UGCG: variants seen among roughly 807,000 people sequenced by gnomAD.
UGCG encodes ceramide glucosyltransferase.
Under a neutral mutation model 49.5 loss-of-function variants are expected in UGCG, and 10 were observed. That is an observed-to-expected ratio of 0.20 (90% CI 0.12 to 0.34). The LOEUF (loss-of-function observed/expected upper bound fraction) is 0.34. UGCG is among the 10% of genes least tolerant of loss of function. The pLI is 1.00. For synonymous variants in UGCG, 182 were observed against 158.2 expected (o/e 1.15, Z -1.13); for missense variants, 312 against 483.7 (o/e 0.65, Z 3.33).
At chr9:111,900,500 ATTC>A (rs1837748048) in intron 1 of UGCG, among the ~76,000 whole-genome samples, 2 of 140,858 alleles carry the variant, frequency 1.4e-5, no homozygotes, top group Admixed American at 7.0e-5. Flanking sequence ...GTGTGTGTGT[ATTC>A]TTTCTTTGAT....
Position 111,899,874 on chromosome 9 carries a change from C to T in UGCG, c.98+2561C>T, listed in dbSNP as rs1837736215. Among the ~76,000 whole-genome samples the T allele has an allele frequency of 2.6e-5, 4 of 152,248 alleles. No individual in the cohort carries two copies. In the South Asian group the frequency reaches 8.3e-4, roughly 32 times the overall value. Reference sequence around the variant, plus strand: ...ATCAGATGATTATTTGATTATTCCACTGTTTTGAAATATTTTTATTATAAA... The same window carrying T: ...ATCAGATGATTATTTGATTATTCCATTGTTTTGAAATATTTTTATTATAAA... On this transcript the variant is annotated intron_variant, in intron 1 of 8. Coordinates refer to ENST00000374279, the MANE Select transcript of UGCG (RefSeq NM_003358.3).
At position 111,934,370 on chromosome 9, in the gene UGCG, A is replaced by C. The variant is rs1159332407; in HGVS notation, c.*1373A>C. 6.6e-6 allele frequency: 1 copy of C among 151,962 alleles called. No individual in the cohort carries two copies. The highest frequency in any genetic ancestry group is 1.5e-5 in the Non-Finnish European group (1 of 67,994). 9.4% of individuals were successfully genotyped at this position (151,962 alleles called of 1,614,324 possible). A position where few individuals can be genotyped will look rare whatever the true frequency, so the allele number is the denominator to read the frequency against. ...TTGTTTTGTTTTTTTAAAAAAAAAA[A>C]ACAAAAATGTAAGGGACAGTGCATA... On this transcript the variant is annotated 3_prime_UTR_variant, in exon 9 of 9. Transcript: ENST00000374279.
chr9:111,924,450 G>A lies in UGCG; in HGVS notation c.344-327G>A, dbSNP rs183234836. Among the ~76,000 whole-genome samples the A allele has an allele frequency of 2.1e-3, 327 of 152,192 alleles. 1 individual carries two copies. The highest frequency in any genetic ancestry group is 7.3e-3 in the African/African-American group (305 of 41,528). The stretch of plus-strand genomic sequence containing the variant: ...GAAATCTACTCTTAGTCATTTTCAA[G>A]TATACCATACATTGTTGTTACCTAT... On this transcript the variant is annotated intron_variant, in intron 3 of 8. Transcript: ENST00000374279.
intron 1 of UGCG, among the ~76,000 whole-genome samples, chr9:111,907,979 C>T (rs1837919263): frequency 6.6e-6 from 1 of 151,942 alleles, no homozygotes; most frequent in Non-Finnish European, 1.5e-5. Flanking sequence ...GCTTGATGTC[C>T]AGTATCTTCA....
chr9:111,916,852 A>G (rs1387651224), intron 2 of UGCG, among the ~76,000 whole-genome samples: 1 of 151,316 alleles, frequency 6.6e-6, no homozygotes, highest in Non-Finnish European at 1.5e-5. Context: ...TTTCTTGTGA[A>G]TGAAGATTTT....
At chr9:111,911,181 G>C (rs1430082877) in intron 1 of UGCG, among the ~76,000 whole-genome samples, 1 of 152,134 alleles carries the variant, frequency 6.6e-6, no homozygotes, top group Non-Finnish European at 1.5e-5. Flanking sequence ...TCTCAGAACA[G>C]TTGTCCTGTC....
chr9:111,910,829 T>A (rs1837983666), intron 1 of UGCG, among the ~76,000 whole-genome samples: 1 of 152,174 alleles, frequency 6.6e-6, no homozygotes, highest in African/African-American at 2.4e-5. Context: ...CATTGCAGCC[T>A]CTGCCTCCCA....
At chr9:111,921,937 A>G (rs1838229980) in intron 2 of UGCG, among the ~76,000 whole-genome samples, 1 of 149,086 alleles carries the variant, frequency 6.7e-6, no homozygotes, top group Non-Finnish European at 1.5e-5. Flanking sequence ...TCAGCCTCCC[A>G]AGTAGCTGGG....
chr9:111,922,853 A>C lies in UGCG; in HGVS notation c.245A>C (p.Glu82Ala), dbSNP rs1466440142. ...CATACAATGCTTTTTGACTAGTATG[A>C]AGTGCTCCTTTGTGTACAAGATCAT... The part of the protein sequence containing the change: ...TFFELDYPKY[E>A]VLLCVQDHDD... The change falls in exon 3 of 9, where the codon GAA becomes GCA. Residue 82 changes from glutamate to alanine, a missense_variant. Around this residue, in one of 4 missense-constraint regions of UGCG, gnomAD observed 3 missense variants for 21.0 expected, o/e 0.14. Transcript: ENST00000374279. 1 of 1,608,702 alleles carries C rather than the reference A, an allele frequency of 6.2e-7. No individual in the cohort carries two copies. Among genetic ancestry groups the C allele is most frequent in the Non-Finnish European group, 8.5e-7 (1 of 1,177,316 alleles).
At chr9:111,924,272 A>G (rs1479303192) in intron 3 of UGCG, among the ~76,000 whole-genome samples, 1 of 152,228 alleles carries the variant, frequency 6.6e-6, no homozygotes, top group Non-Finnish European at 1.5e-5. Context: ...AAATATATAT[A>G]TATGTACACA....
Position 111,897,190 on chromosome 9 carries a change from G to A in UGCG, c.-26G>A. On this transcript the variant is annotated 5_prime_UTR_variant, in exon 1 of 9. Transcript: ENST00000374279. ...TTGTCCGTGTTGGCGGCCGCAGCGGGCCGGGCCGGTCCGGCGGGCCGGGGG... is the reference window on the plus strand; with the variant it reads ...TTGTCCGTGTTGGCGGCCGCAGCGGACCGGGCCGGTCCGGCGGGCCGGGGG... 5 of 1,536,756 alleles carry A rather than the reference G, an allele frequency of 3.3e-6. No individual in the cohort carries two copies. The highest frequency in any genetic ancestry group is 1.2e-5 in the South Asian group (1 of 83,652).
chr9:111,898,394 G>T (rs933871248), intron 1 of UGCG, among the ~76,000 whole-genome samples: 2 of 144,968 alleles, frequency 1.4e-5, no homozygotes, highest in East Asian at 2.0e-4. Flanking sequence ...TAGTTTTTTG[G>T]TTTTTTTTTT....
At chr9:111,922,300 A>T (rs1444619473) in intron 2 of UGCG, among the ~76,000 whole-genome samples, 1 of 152,234 alleles carries the variant, frequency 6.6e-6, no homozygotes, top group Non-Finnish European at 1.5e-5. Context: ...AAAAGTTATG[A>T]AACAAAAAAG....
At chr9:111,912,029 GATATATATATAT>G (rs60468274) in intron 1 of UGCG, among the ~76,000 whole-genome samples, 1 of 64,596 alleles carries the variant, frequency 1.5e-5, no homozygotes, top group South Asian at 5.6e-4. Flanking sequence ...TATTCAACAG[GATATATATATAT>G]ATATATATAT....
At chr9:111,923,365 T>G (rs991711335) in intron 3 of UGCG, among the ~76,000 whole-genome samples, 6 of 48,496 alleles carry the variant, frequency 1.2e-4, no homozygotes, top group African/African-American at 5.3e-4. Flanking sequence ...CCATTAGTGT[T>G]TTTTTTTTTT....
chr9:111,934,098 A>C lies in UGCG; in HGVS notation c.*1101A>C, dbSNP rs1838472821. Reference sequence around the variant, plus strand: ...ACAGGATGAGTTTACTCTTAAAATTAATCAGTATCAAACTAAGTCTACTGT... The same window carrying C: ...ACAGGATGAGTTTACTCTTAAAATTCATCAGTATCAAACTAAGTCTACTGT... On this transcript the variant is annotated 3_prime_UTR_variant, in exon 9 of 9. Coordinates refer to ENST00000374279, the MANE Select transcript of UGCG (RefSeq NM_003358.3). 1 of 151,948 alleles carries C rather than the reference A, an allele frequency of 6.6e-6. No homozygotes were observed. Among genetic ancestry groups the C allele is most frequent in the Non-Finnish European group, 1.5e-5 (1 of 67,982 alleles). 9.4% of individuals were successfully genotyped at this position (151,948 alleles called of 1,614,324 possible).
At chr9:111,926,750 C>T (rs974541838) in intron 5 of UGCG, among the ~76,000 whole-genome samples, 1 of 151,748 alleles carries the variant, frequency 6.6e-6, no homozygotes, top group Non-Finnish European at 1.5e-5. Context: ...CAGCTGAACA[C>T]AGTCTAACCT....
chr9:111,899,196 C>T (rs1481294319), intron 1 of UGCG, among the ~76,000 whole-genome samples: 1 of 152,146 alleles, frequency 6.6e-6, no homozygotes, highest in Non-Finnish European at 1.5e-5. Flanking sequence ...GAGAAATGAT[C>T]TCATTTATAT....
chr9:111,901,029 T>C (rs1009851233), intron 1 of UGCG, among the ~76,000 whole-genome samples: 8 of 152,070 alleles, frequency 5.3e-5, no homozygotes, highest in Non-Finnish European at 1.2e-4. Flanking sequence ...TCACCCAGGC[T>C]GGTCTCAAAC....
Sources: gnomAD v4.1 joint callset for allele counts (sites outside exome capture counted in the v4.1 genomes callset) on GRCh38, gnomAD v4.1.1 for gene constraint, gnomAD v4.1.1 regional missense constraint, MANE v1.5 for transcripts, NCBI Gene and HGNC (gene_info 2026-07-23, HGNC 2026-07-21) for gene names.